RGS9: variants seen among roughly 807,000 people sequenced by gnomAD.
RGS9 encodes the protein regulator of G protein signaling 9, also known as regulator of G-protein signalling 9.
In RGS9, 78 loss-of-function variants were observed where a neutral mutation model predicts 102.0. That is an observed-to-expected ratio of 0.76 (90% confidence interval 0.64 to 0.92). The LOEUF is 0.92. RGS9 is among the 40% of genes least tolerant of loss of function. RGS9 has a pLI of 0.00. For synonymous variants in RGS9, 353 were observed against 318.6 expected (o/e 1.11, Z -1.15); for missense variants, 833 against 866.1 (o/e 0.96, Z 0.48).
intron 12 of RGS9, among the ~76,000 whole-genome samples, 173 bp downstream of exon 12, chr17:65,193,829 C>T (rs1912476330): frequency 6.6e-6 from 1 of 152,178 alleles, no homozygotes; most frequent in African/African-American, 2.4e-5. Context: ...TGGACGCCCT[C>T]CAGCCTTAGG....
At chr17:65,168,063 G>C (rs746935127) in intron 7 of RGS9, 137 bp from the exon 8 acceptor site, 2 of 674,116 alleles carry the variant, frequency 3.0e-6, no homozygotes, top group Non-Finnish European at 5.4e-6. Context: ...AGTGCTTGCT[G>C]TGTTCATTAC....
intron 17 of RGS9, among the ~76,000 whole-genome samples, chr17:65,224,273 G>A (rs1017120846): frequency 1.3e-5 from 2 of 152,256 alleles, no homozygotes; most frequent in African/African-American, 2.4e-5. Context: ...TCTGGGGGCT[G>A]GGGCCATGGT....
intron 9 of RGS9, among the ~76,000 whole-genome samples, chr17:65,179,635 CTGTGTGTGTGTGTGTGTG>C (rs56275900): frequency 1.4e-4 from 18 of 125,016 alleles, no homozygotes; most frequent in African/African-American, 2.9e-4. Context: ...TACTGCTCAG[CTGTGTGTGTGTGTGTGTG>C]TGTGTGTGTG....
chr17:65,197,488 A>T (rs1227958678), intron 13 of RGS9, among the ~76,000 whole-genome samples: 1 of 152,034 alleles, frequency 6.6e-6, no homozygotes, highest in East Asian at 1.9e-4. Flanking sequence ...CTACATCAGG[A>T]TCCCTCACAT....
rs1387072514 is a variant in RGS9 at position 65,227,421 on chromosome 17, C to G, written c.*14C>G. ...GAGAGCCTGTAAGGAAAGAGGCAGG[C>G]TGAGCTGGGGGCTCTGGACCAGGAA... On this transcript the variant is annotated 3_prime_UTR_variant, in exon 19 of 19. Coordinates refer to ENST00000262406, the MANE Select transcript of RGS9 (RefSeq NM_003835.4). The G allele has an allele frequency of 2.5e-6, 4 of 1,609,814 alleles. No individual in the cohort carries two copies. Among genetic ancestry groups the G allele is most frequent in the Non-Finnish European group, 3.4e-6 (4 of 1,177,826 alleles).
intron 17 of RGS9, among the ~76,000 whole-genome samples, chr17:65,222,843 G>A (rs1905417265): frequency 1.3e-5 from 2 of 152,192 alleles, no homozygotes; most frequent in African/African-American, 2.4e-5. Context: ...TTCTCCTTCA[G>A]TGGGGCTGTG....
intron 9 of RGS9, among the ~76,000 whole-genome samples, chr17:65,182,721 T>C (rs185420210): frequency 4.5e-4 from 68 of 152,334 alleles, no homozygotes; most frequent in Middle Eastern, 3.4e-3. Context: ...CTGTAGCTCA[T>C]GGGCCTCCCT....
intron 13 of RGS9, among the ~76,000 whole-genome samples, chr17:65,199,894 T>C (rs1261738768): frequency 6.6e-6 from 1 of 152,236 alleles, no homozygotes. Context: ...GCTTATCCAT[T>C]TGTAAGTTAA....
At chr17:65,156,627 C>T (rs991456953) in intron 2 of RGS9, among the ~76,000 whole-genome samples, 2 of 152,202 alleles carry the variant, frequency 1.3e-5, no homozygotes, top group Non-Finnish European at 1.5e-5. Flanking sequence ...CAACGTAGAC[C>T]GCGTGGTACA....
At chr17:65,197,057 C>T (rs1421781162) in intron 12 of RGS9, 69 bp from the exon 13 acceptor site, 6 of 1,069,412 alleles carry the variant, frequency 5.6e-6, no homozygotes, top group Non-Finnish European at 7.1e-6. Context: ...TAAAGGCCCT[C>T]ACCCCAACCC....
intron 9 of RGS9, among the ~76,000 whole-genome samples, chr17:65,185,698 A>C (rs981576406): frequency 1.3e-5 from 2 of 152,224 alleles, no homozygotes; most frequent in Admixed American, 1.3e-4. Context: ...GAATCAGAAA[A>C]CAAAATAGCA....
chr17:65,175,335 C>T (rs1911586003), intron 8 of RGS9, among the ~76,000 whole-genome samples: 1 of 151,972 alleles, frequency 6.6e-6, no homozygotes, highest in Non-Finnish European at 1.5e-5. Flanking sequence ...AGTCTGCCTT[C>T]AGTTATGCAG....
intron 8 of RGS9, 133 bp downstream of exon 8, chr17:65,168,414 T>C: frequency 2.8e-6 from 2 of 710,796 alleles, no homozygotes; most frequent in South Asian, 3.0e-5. Flanking sequence ...CTGCTCAGTG[T>C]TGGGTTAGCA....
intron 1 of RGS9, among the ~76,000 whole-genome samples, chr17:65,144,050 A>G (rs1910260866): frequency 6.6e-6 from 1 of 151,926 alleles, no homozygotes; most frequent in Admixed American, 6.6e-5. Flanking sequence ...CAGATTTTGG[A>G]GAAAGACTAC....
chr17:65,193,796 T>C, intron 12 of RGS9, 140 bp downstream of exon 12: 1 of 657,336 alleles, frequency 1.5e-6, no homozygotes, highest in South Asian at 1.8e-5. Context: ...TTAAAACATG[T>C]TCATTACACA....
intron 17 of RGS9, among the ~76,000 whole-genome samples, chr17:65,215,674 C>T (rs979697981): frequency 2.0e-5 from 3 of 151,666 alleles, no homozygotes; most frequent in African/African-American, 7.3e-5. Context: ...CATTCCCCTG[C>T]CTCAGCCTCC....
chr17:65,150,638 A>C (rs1046394792), intron 1 of RGS9, among the ~76,000 whole-genome samples: 21 of 152,062 alleles, frequency 1.4e-4, no homozygotes, highest in Admixed American at 1.2e-3. Context: ...TAAAAATAAA[A>C]ATAAACCTAG....
chr17:65,225,062 C>CCGTCT lies in RGS9; in HGVS notation c.1470_1474dup (p.Pro492ArgfsTer97), dbSNP rs1259191598. On this transcript the variant is annotated frameshift_variant, in exon 18 of 19. Coordinates refer to ENST00000262406, the MANE Select transcript of RGS9 (RefSeq NM_003835.4). LOFTEE classifies it high-confidence loss of function. Reference sequence around the variant, plus strand: ...CGTGTACACCGGGACCTGCATGCCCCCGTCTCCTTCTAGCCCCTTCTCCTC... The same window carrying CCGTCT: ...CGTGTACACCGGGACCTGCATGCCCCCGTCTCGTCTCCTTCTAGCCCCTTCTCCTC... 6.2e-7 allele frequency: 1 copy of CCGTCT among 1,613,930 alleles called. No homozygotes were observed. The highest frequency in any genetic ancestry group is 1.3e-5 in the African/African-American group (1 of 74,916).
chr17:65,157,791 GA>G lies in RGS9; in HGVS notation c.155-503del, dbSNP rs532387783. 1.2e-3 allele frequency among the ~76,000 whole-genome samples: 190 copies of G among 152,242 alleles called. 1 individual carries two copies. The highest frequency in any genetic ancestry group is 2.3e-3 in the Non-Finnish European group (159 of 68,030). ...TCGGAGTTCTGCCTGGGAACTTGGG[GA>G]GTTGGAGAGCCGGCCCCAGCCCTCA... On this transcript the variant is annotated intron_variant, in intron 2 of 18. Transcript: ENST00000262406.
Sources: allele counts gnomAD v4.1 joint callset (sites outside exome capture counted in the v4.1 genomes callset), GRCh38; gene constraint gnomAD v4.1.1; transcripts MANE v1.5; gene names NCBI Gene and HGNC (gene_info 2026-07-23, HGNC 2026-07-21).